Variants in TAF1 observed in about 807,000 individuals in gnomAD.
The protein encoded by TAF1 is transcription initiation factor TFIID subunit 1.
Under a neutral mutation model 138.5 loss-of-function variants are expected in TAF1, and 2 were observed. The observed-to-expected ratio is 0.01, with a 90% CI of 0.01 to 0.05. The LOEUF (loss-of-function observed/expected upper bound fraction) is 0.05, where lower values mean the gene tolerates loss of function less well. Among genes scored for constraint, TAF1 ranks in the 10% least tolerant of loss-of-function variants. The probability of loss-of-function intolerance (pLI) is 1.00; values close to 1 mark genes in which losing one functional copy is unlikely to be tolerated. For synonymous variants in TAF1, 437 were observed against 503.2 expected (o/e 0.87, Z 1.76); for missense variants, 709 against 1,478.0 (o/e 0.48, Z 8.53).
At chrX:71,379,104 GAT>G (rs2033682353) in intron 8 of TAF1, 73 bp downstream of exon 8, 17 of 372,305 alleles carry the variant, frequency 4.6e-5, no homozygotes, top group Non-Finnish European at 6.1e-5. Flanking sequence ...GCTCAGCTGT[GAT>G]TTTTTTTTTT....
At chrX:71,447,602 C>G (rs764809983) in intron 32 of TAF1, among the ~76,000 whole-genome samples, 1 of 108,141 alleles carries the variant, frequency 9.2e-6, no homozygotes, top group African/African-American at 3.4e-5. Context: ...GAGGCTGAGG[C>G]AGGAGAAGTA....
At chrX:71,392,523 G>A in intron 18 of TAF1, 46 bp from the exon 19 acceptor site, 2 of 1,120,718 alleles carry the variant, frequency 1.8e-6, no homozygotes, top group Non-Finnish European at 2.3e-6. Flanking sequence ...GCTAGACATA[G>A]AACAAATGTT....
downstream of TAF1, chrX:71,530,436 A>C (rs1319146508): frequency 9.3e-6 from 1 of 107,597 alleles, no homozygotes; most frequent in Non-Finnish European, 1.9e-5. Flanking sequence ...GGTGGCACGG[A>C]CTCAAAGAGT....
At chrX:71,491,273 A>G (rs1409605471) in intron 13 of TAF1, 1 of 109,685 alleles carries the variant, frequency 9.1e-6, no homozygotes, top group Non-Finnish European at 1.9e-5. Context: ...CAGGAGGTAG[A>G]AGGGAAAGTT....
At chrX:71,429,917 G>A (rs2036791988) in intron 32 of TAF1, among the ~76,000 whole-genome samples, 1 of 111,328 alleles carries the variant, frequency 9.0e-6, no homozygotes, top group Non-Finnish European at 1.9e-5. Context: ...TAGTACAAAC[G>A]TTTTAGAGGA....
At position 71,449,055 on chromosome X, in the gene TAF1, C is replaced by T. The variant is rs1414896785; in HGVS notation, c.4754-5115C>T. ...TTGCCCAGGCTGGAGTTCAATGGCG[C>T]GATCTCGGCTCACCGCAACCTCTGC... On this transcript the variant is annotated intron_variant, in intron 32 of 37. Transcript: ENST00000423759. Among the ~76,000 whole-genome samples, 5 of 89,476 alleles carry T rather than the reference C, an allele frequency of 5.6e-5. No individual in the cohort carries two copies. The South Asian group carries it at 1.6e-3, about 28-fold the overall frequency. The allele number at this position is 89,476 out of a possible 115,157, so 77.7% of individuals were successfully genotyped here.
chrX:71,413,270 T>C (rs760617007), intron 28 of TAF1, among the ~76,000 whole-genome samples: 1 of 111,903 alleles, frequency 8.9e-6, no homozygotes, highest in African/African-American at 3.2e-5. Context: ...CCAAACTGTT[T>C]GCCAGAGCAG....
intron 14 of TAF1, among the ~76,000 whole-genome samples, chrX:71,385,732 T>TTA (rs1184293875): frequency 2.7e-5 from 3 of 112,187 alleles, no homozygotes; most frequent in Admixed American, 1.9e-4. Context: ...TCTTTATCCT[T>TTA]TACATTCATA....
chrX:71,391,058 C>A (rs2034534947), intron 18 of TAF1, among the ~76,000 whole-genome samples: 1 of 110,617 alleles, frequency 9.0e-6, no homozygotes, highest in Non-Finnish European at 1.9e-5. Context: ...TTTTGAACTC[C>A]TAGGCTCAAA....
In TAF1 at chrX:71,377,088, A is replaced by C. The variant is rs891180704; in HGVS notation, c.611A>C (p.Glu204Ala). The change falls in exon 5 of 38, where the codon GAA becomes GCA. Residue 204 changes from glutamate to alanine, a missense_variant. Physicochemically the swap from Glu to Ala is moderately radical, Grantham distance 107. Coordinates refer to ENST00000423759, the MANE Select transcript of TAF1 (RefSeq NM_004606.5). ...GPQEATQAES[E>A]DGKLTLPLAG... ...CAGGAAGCAACACAGGCAGAATCTGAAGATGGAAAGCTGACCCTTCCATTG... is the reference window on the plus strand; with the variant it reads ...CAGGAAGCAACACAGGCAGAATCTGCAGATGGAAAGCTGACCCTTCCATTG... 1.2e-5 allele frequency: 14 copies of C among 1,209,784 alleles called. No homozygotes were observed. Among genetic ancestry groups the C allele is most frequent in the African/African-American group, 3.5e-5 (2 of 57,101 alleles).
At chrX:71,483,461 G>T (rs1302575171) in intron 13 of TAF1, among the ~76,000 whole-genome samples, 1 of 103,925 alleles carries the variant, frequency 9.6e-6, no homozygotes, top group Non-Finnish European at 2.0e-5. Context: ...TTAACTGGGC[G>T]TGGTGGTCCC....
intron 13 of TAF1, among the ~76,000 whole-genome samples, chrX:71,472,647 C>T (rs1210442710): frequency 9.0e-6 from 1 of 111,515 alleles, no homozygotes; most frequent in East Asian, 2.8e-4. Flanking sequence ...GTAGAAGAAT[C>T]GCTTGAACTT....
intron 32 of TAF1, among the ~76,000 whole-genome samples, chrX:71,440,034 A>G (rs904630172): frequency 9.0e-6 from 1 of 111,300 alleles, no homozygotes; most frequent in Non-Finnish European, 1.9e-5. Flanking sequence ...ACCACAATCA[A>G]GACTTAGAAC....
At chrX:71,492,461 TCTC>T (rs1284290028) in intron 13 of TAF1, 1 of 128,066 alleles carries the variant, frequency 7.8e-6, no homozygotes, top group Non-Finnish European at 1.7e-5. Context: ...CTGTTGGACT[TCTC>T]CGCCTGCGCG....
At chrX:71,421,822 C>T (rs1272074472) in intron 29 of TAF1, among the ~76,000 whole-genome samples, 1 of 112,025 alleles carries the variant, frequency 8.9e-6, no homozygotes, top group East Asian at 2.8e-4. Context: ...TTACTGAAAA[C>T]AATTAATGGT....
At chrX:71,421,705 A>T (rs1281924021) in intron 29 of TAF1, among the ~76,000 whole-genome samples, 2 of 112,258 alleles carry the variant, frequency 1.8e-5, no homozygotes, top group Non-Finnish European at 3.8e-5. Flanking sequence ...GAGACCAGTC[A>T]ATGTTTTAGG....
At chrX:71,522,969 C>T (rs768279559) in intron 13 of TAF1, among the ~76,000 whole-genome samples, 6 of 109,071 alleles carry the variant, frequency 5.5e-5, no homozygotes, top group African/African-American at 2.0e-4. Flanking sequence ...ATCACCTGAG[C>T]TCAGGAGTTC....
At chrX:71,449,314 G>A (rs1411848018) in intron 32 of TAF1, among the ~76,000 whole-genome samples, 1 of 111,242 alleles carries the variant, frequency 9.0e-6, no homozygotes, top group Non-Finnish European at 1.9e-5. Flanking sequence ...TAGTAGAGAC[G>A]GGGTTTCTCC....
At chrX:71,528,570 G>A (rs1414596728) in exon 14 of TAF1, 1 of 330,866 alleles carries the variant, frequency 3.0e-6, no homozygotes, top group Non-Finnish European at 5.9e-6. Flanking sequence ...TTCAGAGATG[G>A]ATCCACAAAG....
Sources: allele counts gnomAD v4.1 joint callset (sites outside exome capture counted in the v4.1 genomes callset), GRCh38; gene constraint gnomAD v4.1.1; transcripts MANE v1.5; gene names NCBI Gene and HGNC (gene_info 2026-07-23, HGNC 2026-07-21).